Variants in DST observed in about 807,000 individuals in gnomAD.
DST encodes the protein dystonin, also known as bullous pemphigoid antigen.
DST carries 253 observed loss-of-function variants against 875.2 expected under a neutral mutation model. The ratio of observed to expected loss-of-function variants is 0.29; its 90% confidence interval spans 0.26 to 0.32. DST has a LOEUF of 0.32. DST is among the 10% of genes least tolerant of loss of function. The pLI, the probability that DST is intolerant of heterozygous loss-of-function variation, is 1.00. For synonymous variants in DST, 3,124 were observed against 3,197.1 expected (o/e 0.98, Z 0.77); for missense variants, 8,287 against 9,111.6 (o/e 0.91, Z 3.68).
chr6:56,752,723 T>A (rs779744230), intron 4 of DST, among the ~76,000 whole-genome samples: 1 of 152,246 alleles, frequency 6.6e-6, no homozygotes, highest in Non-Finnish European at 1.5e-5. Context: ...AATCACCTAC[T>A]AAGGCTGTTT....
intron 102 of DST, among the ~76,000 whole-genome samples, chr6:56,462,798 G>A (rs991206675): frequency 3.3e-5 from 5 of 152,198 alleles, no homozygotes. Flanking sequence ...AGAACAAAAA[G>A]GAGGTAGTCT....
chr6:56,673,272 C>T (rs955610631), intron 9 of DST, among the ~76,000 whole-genome samples: 14 of 151,730 alleles, frequency 9.2e-5, no homozygotes, highest in African/African-American at 3.4e-4. Flanking sequence ...CAAAACAAAA[C>T]AAAAAAAGAA....
chr6:56,601,419 C>A (rs965397835), intron 44 of DST, 24 bp downstream of exon 44: 1 of 1,477,382 alleles, frequency 6.8e-7, no homozygotes, highest in Admixed American at 1.9e-5. Context: ...ACAATGAATG[C>A]CAACTCCACG....
chr6:56,816,809 T>C (rs890845577), intron 4 of DST, among the ~76,000 whole-genome samples: 10 of 148,076 alleles, frequency 6.8e-5, no homozygotes, highest in African/African-American at 2.3e-4. Flanking sequence ...CTATTTTAAA[T>C]AGGCTGATTT....
At chr6:56,536,298 C>G (rs547933930) in intron 62 of DST, among the ~76,000 whole-genome samples, 1 of 152,236 alleles carries the variant, frequency 6.6e-6, no homozygotes, top group East Asian at 1.9e-4. Context: ...AGGACTTAGT[C>G]CAGGAATGAC....
At chr6:56,492,121 G>A (rs770821597) in intron 85 of DST, 106 bp downstream of exon 85, 21 of 1,021,650 alleles carry the variant, frequency 2.1e-5, no homozygotes, top group Non-Finnish European at 2.6e-5. Context: ...TGCCATGATT[G>A]TTATGCCTAA....
intron 65 of DST, 71 bp downstream of exon 65, chr6:56,529,903 A>T: frequency 6.4e-7 from 1 of 1,572,574 alleles, no homozygotes. Context: ...ACAATAGTAC[A>T]TAACTCAAAT....
At chr6:56,882,463 C>A (rs181147705) in intron 3 of DST, among the ~76,000 whole-genome samples, 5 of 152,300 alleles carry the variant, frequency 3.3e-5, no homozygotes, top group Admixed American at 3.3e-4. Context: ...TCTAAAGCAT[C>A]CTAACTAATG....
chr6:56,462,956 A>G (rs1392591442), intron 102 of DST, 90 bp downstream of exon 102: 15 of 694,398 alleles, frequency 2.2e-5, no homozygotes, highest in Non-Finnish European at 3.7e-5. Flanking sequence ...AGCAAAGTAC[A>G]TATATTTAGG....
chr6:56,756,954 A>C lies in DST; in HGVS notation c.626-21665T>G, dbSNP rs372098193. On this transcript the variant is annotated intron_variant, in intron 4 of 103. Transcript: ENST00000680361. ...TTTTCAAGAGAAGTATTAATAAGAC[A>C]AAAGCTCTCAGCAACTGTATGTGAT... Among the ~76,000 whole-genome samples the C allele has an allele frequency of 3.4e-4, 52 of 152,366 alleles. No homozygotes were observed. The South Asian group carries it at 0.011, about 32-fold the overall frequency.
At chr6:56,545,527 G>T (rs957817122) in intron 61 of DST, among the ~76,000 whole-genome samples, 1 of 151,486 alleles carries the variant, frequency 6.6e-6, no homozygotes, top group African/African-American at 2.4e-5. Flanking sequence ...AAGCAAAACA[G>T]TAATATTTTC....
chr6:56,631,829 A>G (rs1017315395), intron 29 of DST, 54 bp downstream of exon 29: 2 of 1,536,688 alleles, frequency 1.3e-6, no homozygotes, highest in African/African-American at 2.7e-5. Context: ...AAGAGTTGAT[A>G]CATAAGGTCA....
chr6:56,649,627 G>A (rs1037810508), intron 12 of DST, among the ~76,000 whole-genome samples: 3 of 152,176 alleles, frequency 2.0e-5, no homozygotes, highest in Non-Finnish European at 4.4e-5. Context: ...GGAGTCCCAA[G>A]TGAGTCAGGA....
At chr6:56,485,117 A>G in intron 88 of DST, 195 bp downstream of exon 88, 1 of 574,060 alleles carries the variant, frequency 1.7e-6, no homozygotes, top group Non-Finnish European at 2.9e-6. Flanking sequence ...CACTGACACT[A>G]AATAATACTT....
intron 60 of DST, among the ~76,000 whole-genome samples, 173 bp from the exon 61 acceptor site, chr6:56,553,828 A>C (rs1318038101): frequency 2.6e-5 from 4 of 152,226 alleles, no homozygotes; most frequent in Admixed American, 1.3e-4. Context: ...AGGGGAAAAG[A>C]AGCAAGAAGT....
intron 3 of DST, among the ~76,000 whole-genome samples, chr6:56,896,597 G>C (rs1042028280): frequency 2.0e-4 from 30 of 152,180 alleles, no homozygotes; most frequent in Admixed American, 1.0e-3. Flanking sequence ...AGTGTTCCCT[G>C]ATCACCACAT....
At chr6:56,920,348 T>C (rs1392285516) in intron 2 of DST, among the ~76,000 whole-genome samples, 1 of 152,216 alleles carries the variant, frequency 6.6e-6, no homozygotes, top group Non-Finnish European at 1.5e-5. Flanking sequence ...TGACCTGGAA[T>C]GTGTATATAT....
At chr6:56,562,839 T>C (rs943200893) in intron 55 of DST, among the ~76,000 whole-genome samples, 3 of 151,334 alleles carry the variant, frequency 2.0e-5, no homozygotes, top group Non-Finnish European at 4.4e-5. Flanking sequence ...ACATGCGGTG[T>C]TTGGTTTTCT....
intron 98 of DST, chr6:56,466,444 G>C (rs2094579842): frequency 3.3e-6 from 1 of 298,594 alleles, no homozygotes; most frequent in Non-Finnish European, 6.1e-6. Context: ...CAAAGCTTTG[G>C]TCTAAAAATT....
Sources: allele counts gnomAD v4.1 joint callset (sites outside exome capture counted in the v4.1 genomes callset), GRCh38; gene constraint gnomAD v4.1.1; transcripts MANE v1.5; gene names NCBI Gene and HGNC (gene_info 2026-07-23, HGNC 2026-07-21).